Variants in CLCN5 observed in about 807,000 individuals in gnomAD.
CLCN5 encodes Cl-/H+ antiporter 5.
A neutral mutation model predicts 54.0 loss-of-function variants in CLCN5; 17 were observed. The observed-to-expected ratio is 0.31, with a 90% CI of 0.22 to 0.47. The LOEUF is 0.47. Ranked by LOEUF, CLCN5 falls within the 20% of genes least tolerant of loss-of-function variation. CLCN5 has a pLI of 1.00. For missense variants in CLCN5, 448 were observed against 646.7 expected, an observed-to-expected ratio of 0.69 and a Z score of 3.33; for synonymous variants, 222 against 233.0, an observed-to-expected ratio of 0.95 and a Z score of 0.43.
intron 3 of CLCN5, among the ~76,000 whole-genome samples, chrX:49,998,671 A>G (rs1929647284): frequency 9.1e-6 from 1 of 110,052 alleles, no homozygotes; most frequent in East Asian, 2.9e-4. Flanking sequence ...TCCCTCTCAC[A>G]CTCAGAGTGC....
chrX:50,086,736 A>G lies in CLCN5; in HGVS notation c.1423A>G (p.Asn475Asp), dbSNP rs782708865. ...LDSSKLCDYE[N>D]RFNTSKGGEL... ...CTCCTCCAAGCTCTGTGATTATGAG[A>G]ACCGTTTCAACACAAGCAAAGGGGG... The change falls in exon 11 of 15, where the codon AAC (asparagine) becomes GAC (aspartate). Residue 475 changes from asparagine to aspartate, a missense_variant. Physicochemically the swap from Asn to Asp is conservative, Grantham distance 23 (BLOSUM62 1). Around this residue, in one of 5 missense-constraint regions of CLCN5, gnomAD observed 297 missense variants for 470.4 expected, o/e 0.63. Transcript: ENST00000376091. 3 of 1,208,872 alleles carry G rather than the reference A, an allele frequency of 2.5e-6. No individual in the cohort carries two copies. Among genetic ancestry groups the G allele is most frequent in the Non-Finnish European group, 3.4e-6 (3 of 895,143 alleles).
rs539788004 is a variant in CLCN5, at chrX:50,097,696, G to A, written c.*5477G>A. Reference sequence around the variant, plus strand: ...TTATAGGCATGTTGTTTTGAATGTGGACTTTGTGGGAGGGAGAGGATTGTT... The same window carrying A: ...TTATAGGCATGTTGTTTTGAATGTGAACTTTGTGGGAGGGAGAGGATTGTT... On this transcript the variant is annotated 3_prime_UTR_variant, in exon 15 of 15. Coordinates refer to ENST00000376091, the MANE Select transcript of CLCN5 (RefSeq NM_001127898.4). 1 of 111,257 alleles carries A rather than the reference G, an allele frequency of 9.0e-6. No individual in the cohort carries two copies. Among genetic ancestry groups the A allele is most frequent in the South Asian group, 3.9e-4 (1 of 2,573 alleles). 9.2% of individuals were successfully genotyped at this position (111,257 alleles called of 1,213,427 possible). A position where few individuals can be genotyped will look rare whatever the true frequency, so the allele number is the denominator to read the frequency against.
intron 4 of CLCN5, among the ~76,000 whole-genome samples, chrX:50,055,588 G>A (rs1557188840): frequency 8.9e-6 from 1 of 112,241 alleles, no homozygotes; most frequent in African/African-American, 3.2e-5. Flanking sequence ...GCAATGTCCT[G>A]TCTCTGTTCT....
chrX:49,940,535 A>T (rs1014724341), intron 3 of CLCN5, among the ~76,000 whole-genome samples: 2 of 112,179 alleles, frequency 1.8e-5, no homozygotes, highest in Non-Finnish European at 3.8e-5. Flanking sequence ...ACATGTTTTA[A>T]CTTCCTCAGA....
chrX:50,090,771 C>T lies in CLCN5; in HGVS notation c.2245C>T (p.Leu749Phe). 4 of 1,210,921 alleles carry T rather than the reference C, an allele frequency of 3.3e-6. No individual in the cohort carries two copies. Among genetic ancestry groups the T allele is most frequent in the Non-Finnish European group, 4.5e-6 (4 of 894,686 alleles). The change falls in exon 14 of 15, where the codon CTT becomes TTT. Residue 749 changes from leucine (L) to phenylalanine (F), a missense_variant. Leu to Phe is a conservative substitution (Grantham distance 22). Coordinates refer to ENST00000376091, the MANE Select transcript of CLCN5 (RefSeq NM_001127898.4). Reference protein sequence around the residue: ...LPPYTPPTLKLRNILDLSPFT... With the variant: ...LPPYTPPTLKFRNILDLSPFT... ...ACCATACACTCCACCCACTCTAAAG[C>T]TTCGGAACATCCTCGATCTCAGCCC...
chrX:50,014,693 CAAG>C (rs782803330), intron 3 of CLCN5: 21 of 331,170 alleles, frequency 6.3e-5, no homozygotes, highest in African/African-American at 5.1e-4. Context: ...TCAACTGTAC[CAAG>C]AAGGACAGAG....
At chrX:50,043,253 A>G (rs1433466256) in intron 4 of CLCN5, among the ~76,000 whole-genome samples, 1 of 111,933 alleles carries the variant, frequency 8.9e-6, no homozygotes, top group Non-Finnish European at 1.9e-5. Context: ...CAATGGCTGC[A>G]TACAATTTCA....
intron 3 of CLCN5, among the ~76,000 whole-genome samples, chrX:50,025,697 TTCTC>T (rs782228320): frequency 1.8e-5 from 2 of 109,828 alleles, no homozygotes; most frequent in Non-Finnish European, 3.8e-5. Context: ...TGCACTCTGT[TTCTC>T]TCTCTCTCTC....
intron 3 of CLCN5, among the ~76,000 whole-genome samples, chrX:50,010,307 C>T (rs1452959847): frequency 1.8e-5 from 2 of 109,702 alleles, no homozygotes; most frequent in African/African-American, 6.7e-5. Context: ...CTGGCACCAT[C>T]ACAGTTCACT....
chrX:50,030,034 G>A (rs1200104859), intron 3 of CLCN5, among the ~76,000 whole-genome samples: 1 of 112,111 alleles, frequency 8.9e-6, no homozygotes, highest in East Asian at 2.8e-4. Context: ...AAAATCTACA[G>A]ATAAATTTGC....
At chrX:49,974,065 G>A (rs1389671420) in intron 3 of CLCN5, among the ~76,000 whole-genome samples, 10 of 112,274 alleles carry the variant, frequency 8.9e-5, no homozygotes, top group African/African-American at 3.2e-4. Context: ...CTATGTCATA[G>A]CATGTATCGG....
At chrX:50,027,592 T>TACATTACTCATCTGCTC (rs1931474206) in intron 3 of CLCN5, among the ~76,000 whole-genome samples, 2 of 112,231 alleles carry the variant, frequency 1.8e-5, no homozygotes, top group African/African-American at 6.5e-5. Flanking sequence ...TCTCTCTGCT[T>TACATTACTCATCTGCTC]ACATTACTCA....
intron 3 of CLCN5, among the ~76,000 whole-genome samples, chrX:49,998,274 C>T (rs907006461): frequency 1.8e-5 from 2 of 111,724 alleles, no homozygotes; most frequent in Admixed American, 9.4e-5. Context: ...TCAAACGACA[C>T]AGGTGTAGAA....
At chrX:50,066,163 TAAAA>T (rs11393952) in intron 4 of CLCN5, among the ~76,000 whole-genome samples, 4 of 45,229 alleles carry the variant, frequency 8.8e-5, no homozygotes, top group Non-Finnish European at 1.6e-4. Context: ...AAAGTATAAT[TAAAA>T]AAAAAAAAAA....
At chrX:50,081,395 C>T (rs1256827472) in intron 8 of CLCN5, among the ~76,000 whole-genome samples, 6 of 111,061 alleles carry the variant, frequency 5.4e-5, no homozygotes, top group Non-Finnish European at 7.6e-5. Flanking sequence ...CACTCTCATA[C>T]TTACAATACA....
chrX:49,952,716 C>G (rs1253267449), intron 3 of CLCN5, among the ~76,000 whole-genome samples: 2 of 111,320 alleles, frequency 1.8e-5, no homozygotes, highest in African/African-American at 6.5e-5. Context: ...TGTAGCTCTT[C>G]TCTTTAAAAA....
chrX:50,085,702 T>A, intron 9 of CLCN5: 1 of 362,656 alleles, frequency 2.8e-6, no homozygotes, highest in Non-Finnish European at 4.9e-6. Flanking sequence ...GAATTGGGAG[T>A]ATGGGAGATA....
chrX:50,083,786 C>T (rs1933791724), intron 9 of CLCN5, among the ~76,000 whole-genome samples: 1 of 111,883 alleles, frequency 8.9e-6, no homozygotes, highest in Admixed American at 9.4e-5. Flanking sequence ...GCTATTCTTT[C>T]ACCTTTTCTG....
chrX:50,018,200 A>G (rs1557183850), intron 3 of CLCN5, among the ~76,000 whole-genome samples: 1 of 111,902 alleles, frequency 8.9e-6, no homozygotes, highest in Non-Finnish European at 1.9e-5. Flanking sequence ...GGTTAGTTTT[A>G]TACTTAATTA....
Sources: allele counts gnomAD v4.1 joint callset (sites outside exome capture counted in the v4.1 genomes callset), GRCh38; gene constraint gnomAD v4.1.1; regional missense constraint gnomAD v4.1.1; transcripts MANE v1.5; gene names NCBI Gene and HGNC (gene_info 2026-07-23, HGNC 2026-07-21).